ITPR1: variants seen among roughly 807,000 people sequenced by gnomAD.
ITPR1 encodes inositol 1,4,5-trisphosphate receptor type 1, also known as inositol 1,4,5-trisphosphate-gated calcium channel ITPR1.
ITPR1 carries 96 observed loss-of-function variants against 318.4 expected under a neutral mutation model. The observed-to-expected ratio is 0.30, with a 90% CI of 0.26 to 0.36. The LOEUF (loss-of-function observed/expected upper bound fraction) is 0.36, where lower values mean the gene tolerates loss of function less well. ITPR1 is among the 10% of genes least tolerant of loss of function. The pLI is 1.00. For missense variants in ITPR1, 2,440 were observed against 3,460.2 expected (o/e 0.71, Z 7.40); for synonymous variants, 1,312 against 1,289.9 (o/e 1.02, Z -0.37).
intron 4 of ITPR1, among the ~76,000 whole-genome samples, chr3:4,528,655 T>C (rs868280107): frequency 2.0e-5 from 3 of 152,138 alleles, no homozygotes; most frequent in African/African-American, 4.8e-5. Flanking sequence ...CCTTTCATAG[T>C]AGGGGTATAG....
At chr3:4,498,646 G>T (rs2080787519) in intron 2 of ITPR1, among the ~76,000 whole-genome samples, 1 of 152,152 alleles carries the variant, frequency 6.6e-6, no homozygotes, top group Non-Finnish European at 1.5e-5. Context: ...CTCGATAGGG[G>T]GTAAAACCCA....
rs189152858 is a variant in ITPR1, at chr3:4,540,268, C to T, written c.163+19174C>T. Among the ~76,000 whole-genome samples, 128 of 152,060 alleles carry T rather than the reference C, an allele frequency of 8.4e-4. 2 individuals carry two copies. The highest frequency in any genetic ancestry group is 2.9e-3 in the African/African-American group (119 of 41,464). On this transcript the variant is annotated intron_variant, in intron 4 of 61. Coordinates refer to ENST00000649015, the MANE Select transcript of ITPR1 (RefSeq NM_001378452.1). ...CATTTTTCTTTCTAATGGTGTTTGACGTCTTATAGTCTGTTTTGTCTGATA... is the reference window on the plus strand; with the variant it reads ...CATTTTTCTTTCTAATGGTGTTTGATGTCTTATAGTCTGTTTTGTCTGATA...
chr3:4,777,752 C>T (rs933228638), intron 48 of ITPR1, among the ~76,000 whole-genome samples: 10 of 149,376 alleles, frequency 6.7e-5, no homozygotes, highest in African/African-American at 2.2e-4. Flanking sequence ...GGAAAAGGGC[C>T]GGTTGAAGAA....
At chr3:4,646,242 G>A (rs2093454021) in intron 10 of ITPR1, among the ~76,000 whole-genome samples, 1 of 152,224 alleles carries the variant, frequency 6.6e-6, no homozygotes, top group Non-Finnish European at 1.5e-5. Context: ...GGTGAAGGTG[G>A]TAAGAGGCAT....
chr3:4,607,687 G>A (rs184612328), intron 4 of ITPR1, among the ~76,000 whole-genome samples: 80 of 152,114 alleles, frequency 5.3e-4, no homozygotes, highest in Non-Finnish European at 8.5e-4. Context: ...GATTTGTGGG[G>A]GTGCAGTCAT....
intron 44 of ITPR1, among the ~76,000 whole-genome samples, chr3:4,758,146 G>A (rs1159112805): frequency 6.6e-6 from 1 of 152,206 alleles, no homozygotes; most frequent in Non-Finnish European, 1.5e-5. Flanking sequence ...CAGCCGTGGT[G>A]AGTGTCATGG....
At chr3:4,610,777 G>T (rs1415262226) in intron 4 of ITPR1, among the ~76,000 whole-genome samples, 1 of 151,944 alleles carries the variant, frequency 6.6e-6, no homozygotes, top group African/African-American at 2.4e-5. Context: ...GCCCAGCTAT[G>T]GCCTCCTTTC....
At position 4,656,573 on chromosome 3, in the gene ITPR1, G is replaced by T. The variant is rs528664511; in HGVS notation, c.997-1551G>T. Among the ~76,000 whole-genome samples, 3 of 152,184 alleles carry T rather than the reference G, an allele frequency of 2.0e-5. No individual in the cohort carries two copies. In the East Asian group the frequency reaches 5.8e-4, roughly 29 times the overall value. ...GAGATACAGGTTTTGGATATTAAAAGAACCTTTTTTAAAAAAACACACATA... is the reference window on the plus strand; with the variant it reads ...GAGATACAGGTTTTGGATATTAAAATAACCTTTTTTAAAAAAACACACATA... On this transcript the variant is annotated intron_variant, in intron 12 of 61. Coordinates refer to ENST00000649015, the MANE Select transcript of ITPR1 (RefSeq NM_001378452.1).
intron 60 of ITPR1, chr3:4,831,161 C>CACACACA (rs1575412602): frequency 1.5e-4 from 13 of 88,292 alleles, no homozygotes; most frequent in Non-Finnish European, 1.8e-4. Context: ...ACACTCACTC[C>CACACACA]CTCTCTCTGT....
chr3:4,577,852 G>A (rs1401274069), intron 4 of ITPR1, among the ~76,000 whole-genome samples: 1 of 152,230 alleles, frequency 6.6e-6, no homozygotes, highest in Non-Finnish European at 1.5e-5. Flanking sequence ...GGCTAGGGCT[G>A]TCTAGATTGG....
At chr3:4,761,079 A>G (rs954223392) in intron 44 of ITPR1, among the ~76,000 whole-genome samples, 1 of 152,216 alleles carries the variant, frequency 6.6e-6, no homozygotes. Context: ...TCCCATTTAT[A>G]GTCCTTTTCT....
At chr3:4,646,221 C>T (rs2093453068) in intron 10 of ITPR1, among the ~76,000 whole-genome samples, 1 of 152,190 alleles carries the variant, frequency 6.6e-6, no homozygotes. Context: ...AACTGGAACA[C>T]ACAAGGGGAT....
chr3:4,580,523 C>T (rs1378542633), intron 4 of ITPR1, among the ~76,000 whole-genome samples: 1 of 152,186 alleles, frequency 6.6e-6, no homozygotes, highest in African/African-American at 2.4e-5. Context: ...ATGTCCCTGG[C>T]AGGAGAACAA....
At position 4,710,342 on chromosome 3, in the gene ITPR1, G is replaced by A; in HGVS notation, c.4860G>A (p.Leu1620=). Residue 1620 remains leucine (L), a synonymous_variant, in exon 38 of 62, where the codon CTG becomes CTA. Transcript: ENST00000649015. The surrounding 1 kb of genome is among the most constrained non-coding windows in gnomAD (Gnocchi z 4.2). ...IERLQDIVSA[L]EDRLRPLVQA... is the part of the protein sequence containing the mutation. Reference sequence around the variant, plus strand: ...CGTTTTAGGACATCGTCTCCGCGCTGGAGGACCGTCTCAGGCCCCTGGTGC... The same window carrying A: ...CGTTTTAGGACATCGTCTCCGCGCTAGAGGACCGTCTCAGGCCCCTGGTGC... The A allele has an allele frequency of 1.3e-6, 2 of 1,564,824 alleles. No homozygotes were observed. Among genetic ancestry groups the A allele is most frequent in the Admixed American group, 1.9e-5 (1 of 53,798 alleles).
At chr3:4,791,926 TACA>T (rs1351498706) in intron 52 of ITPR1, among the ~76,000 whole-genome samples, 1 of 152,170 alleles carries the variant, frequency 6.6e-6, no homozygotes, top group East Asian at 1.9e-4. Flanking sequence ...GCTTGAAGCT[TACA>T]ACAACATACG....
chr3:4,672,772 C>T (rs923336269), intron 20 of ITPR1, among the ~76,000 whole-genome samples: 1 of 152,118 alleles, frequency 6.6e-6, no homozygotes, highest in Non-Finnish European at 1.5e-5. Context: ...CTGTATAAAA[C>T]ACAGCTGAAG....
chr3:4,554,700 TG>T (rs201926167), intron 4 of ITPR1, among the ~76,000 whole-genome samples: 2 of 120,256 alleles, frequency 1.7e-5, no homozygotes, highest in South Asian at 2.8e-4. Flanking sequence ...AGAATCATGA[TG>T]GGGGCCAGTG....
chr3:4,746,348 C>G (rs564142848), intron 44 of ITPR1, among the ~76,000 whole-genome samples: 8 of 152,272 alleles, frequency 5.3e-5, no homozygotes, highest in Admixed American at 1.3e-4. Flanking sequence ...GTGGTCTGGC[C>G]CCACCTGGGT....
chr3:4,723,270 C>G (rs965569538), intron 40 of ITPR1, among the ~76,000 whole-genome samples: 13 of 152,190 alleles, frequency 8.5e-5, no homozygotes, highest in African/African-American at 3.1e-4. Context: ...GAGCTAAACC[C>G]TGGATGAGCC....
Sources: gnomAD v4.1 joint callset for allele counts (sites outside exome capture counted in the v4.1 genomes callset) on GRCh38, gnomAD v4.1.1 for gene constraint, Gnocchi (gnomAD v3.1) non-coding constraint, MANE v1.5 for transcripts, NCBI Gene and HGNC (gene_info 2026-07-23, HGNC 2026-07-21) for gene names.